ANO2: variants seen among roughly 807,000 people sequenced by gnomAD.
ANO2 encodes the protein anoctamin-2.
In ANO2, 101 loss-of-function variants were observed where a neutral mutation model predicts 124.2. The observed-to-expected ratio is 0.81, with a 90% CI of 0.69 to 0.96. The LOEUF is 0.96. Among genes scored for constraint, ANO2 ranks in the 40% least tolerant of loss-of-function variants. The pLI is 0.00. For missense variants in ANO2, 1,293 were observed against 1,274.5 expected (o/e 1.01, Z -0.22); for synonymous variants, 486 against 482.5 (o/e 1.01, Z -0.09).
At chr12:5,673,355 G>C (rs1948097358) in intron 14 of ANO2, among the ~76,000 whole-genome samples, 1 of 152,198 alleles carries the variant, frequency 6.6e-6, no homozygotes, top group Admixed American at 6.5e-5. Context: ...TCCTGGGTCT[G>C]TGTTTGCCCA....
intron 10 of ANO2, among the ~76,000 whole-genome samples, chr12:5,761,419 C>T (rs1951741855): frequency 3.9e-5 from 6 of 152,148 alleles, no homozygotes; most frequent in Admixed American, 3.9e-4. Flanking sequence ...AATGTATTCT[C>T]CACAGATATG....
intron 14 of ANO2, among the ~76,000 whole-genome samples, chr12:5,687,518 C>A (rs1948755099): frequency 6.6e-6 from 1 of 152,228 alleles, no homozygotes; most frequent in South Asian, 2.1e-4. Context: ...TCAGTCTGGG[C>A]TGGTCAGGTG....
chr12:5,894,190 G>A (rs1212055885), intron 3 of ANO2, among the ~76,000 whole-genome samples: 3 of 152,160 alleles, frequency 2.0e-5, no homozygotes, highest in Admixed American at 1.3e-4. Flanking sequence ...TCTAACTGGT[G>A]TGAGATGGTA....
intron 19 of ANO2, 104 bp downstream of exon 19, chr12:5,612,552 G>A: frequency 1.1e-6 from 1 of 890,228 alleles, no homozygotes; most frequent in Non-Finnish European, 1.8e-6. Context: ...AAATCACCAA[G>A]CTGTCTAAGA....
chr12:5,922,234 C>A (rs1941740741), intron 2 of ANO2, among the ~76,000 whole-genome samples: 1 of 152,206 alleles, frequency 6.6e-6, no homozygotes, highest in Non-Finnish European at 1.5e-5. Context: ...TGGTTTGAAA[C>A]CCAGCTGCCT....
chr12:5,784,796 G>A (rs953470274), intron 10 of ANO2, among the ~76,000 whole-genome samples: 1 of 152,178 alleles, frequency 6.6e-6, no homozygotes, highest in Admixed American at 6.5e-5. Flanking sequence ...AAGTGCTCTG[G>A]TCCCTGGAAT....
intron 20 of ANO2, among the ~76,000 whole-genome samples, chr12:5,582,014 TTCAG>T (rs1274498397): frequency 2.0e-5 from 3 of 152,240 alleles, no homozygotes; most frequent in Admixed American, 2.0e-4. Context: ...ACTCGCTCTT[TTCAG>T]TCAAAGGTCT....
chr12:5,676,676 C>A (rs932875638), intron 14 of ANO2, among the ~76,000 whole-genome samples: 1 of 152,090 alleles, frequency 6.6e-6, no homozygotes, highest in Non-Finnish European at 1.5e-5. Flanking sequence ...AAATGCCCCT[C>A]ATCCTAAGTT....
chr12:5,644,522 G>T (rs945203784), intron 15 of ANO2, among the ~76,000 whole-genome samples: 5 of 152,082 alleles, frequency 3.3e-5, no homozygotes, highest in African/African-American at 7.2e-5. Context: ...GAACATTATT[G>T]TTCTATTTAT....
At chr12:5,630,956 T>C (rs998686579) in intron 16 of ANO2, among the ~76,000 whole-genome samples, 1 of 152,092 alleles carries the variant, frequency 6.6e-6, no homozygotes, top group Non-Finnish European at 1.5e-5. Flanking sequence ...ACAGCCCCAG[T>C]CAACTCTCCA....
Position 5,922,700 on chromosome 12 carries a change from G to A in ANO2, c.127C>T (p.Pro43Ser), listed in dbSNP as rs978098211. 6.3e-7 allele frequency: 1 copy of A among 1,592,216 alleles called. No individual in the cohort carries two copies. The highest frequency in any genetic ancestry group is 8.5e-7 in the Non-Finnish European group (1 of 1,170,784). Residue 43 changes from proline to serine, a missense_variant, in exon 2 of 25, where the codon CCC (proline) becomes TCC (serine). Physicochemically the swap from Pro to Ser is moderately conservative, Grantham distance 74. Transcript: ENST00000682330. ...CCGCCCTGCAGACCTGGGGCCCGGG[G>A]ACCTGGCATCTTGAGACACTGCTGT... ...HGQQCLKMPG[P>S]RAPGLQGGSN...
chr12:5,722,229 G>A (rs1195901153), intron 14 of ANO2, among the ~76,000 whole-genome samples: 2 of 152,138 alleles, frequency 1.3e-5, no homozygotes, highest in Admixed American at 6.5e-5. Context: ...AGTACTGGCC[G>A]GGCACGGGGG....
chr12:5,889,968 A>C (rs1201007580), intron 3 of ANO2, among the ~76,000 whole-genome samples: 2 of 152,252 alleles, frequency 1.3e-5, no homozygotes, highest in African/African-American at 4.8e-5. Context: ...TCTGTAGACA[A>C]GCAAAAGCAG....
At chr12:5,693,518 G>A (rs939828010) in intron 14 of ANO2, among the ~76,000 whole-genome samples, 5 of 152,028 alleles carry the variant, frequency 3.3e-5, no homozygotes, top group African/African-American at 1.2e-4. Flanking sequence ...CGCCCCCACG[G>A]TCTAGTCTCC....
At chr12:5,628,756 T>C (rs1422141456) in intron 16 of ANO2, among the ~76,000 whole-genome samples, 2 of 152,178 alleles carry the variant, frequency 1.3e-5, no homozygotes, top group African/African-American at 2.4e-5. Flanking sequence ...GTGTGTGAGA[T>C]ATAGGGTAAG....
intron 16 of ANO2, among the ~76,000 whole-genome samples, chr12:5,628,934 G>T (rs1945554993): frequency 6.6e-6 from 1 of 152,160 alleles, no homozygotes; most frequent in African/African-American, 2.4e-5. Context: ...TATGAGGTGG[G>T]CCCTCAATGG....
chr12:5,816,867 A>C (rs577276156), intron 7 of ANO2, among the ~76,000 whole-genome samples: 2 of 152,282 alleles, frequency 1.3e-5, no homozygotes, highest in East Asian at 3.9e-4. Context: ...TGCATGGCTA[A>C]ACTAAGAGCC....
chr12:5,851,917 G>A (rs1379010387), intron 4 of ANO2: 1 of 737,620 alleles, frequency 1.4e-6, no homozygotes, highest in Non-Finnish European at 2.5e-6. Context: ...GTTACCCTGG[G>A]GGATGGAAAT....
chr12:5,692,913 T>C (rs1949005361), intron 14 of ANO2, among the ~76,000 whole-genome samples: 2 of 152,220 alleles, frequency 1.3e-5, no homozygotes, highest in South Asian at 4.1e-4. Flanking sequence ...TCCTTGTTTA[T>C]TAACAATAAT....
Sources: allele counts gnomAD v4.1 joint callset (sites outside exome capture counted in the v4.1 genomes callset), GRCh38; gene constraint gnomAD v4.1.1; transcripts MANE v1.5; gene names NCBI Gene and HGNC (gene_info 2026-07-23, HGNC 2026-07-21).